Variants in MDFIC2 observed in about 807,000 individuals in gnomAD.
The protein encoded by MDFIC2 is myoD family inhibitor domain-containing protein 2.
intron 2 of MDFIC2, among the ~76,000 whole-genome samples, chr3:70,253,596 C>T (rs1032245145): frequency 2.6e-5 from 4 of 152,054 alleles, no homozygotes; most frequent in African/African-American, 9.7e-5. Context: ...GGTGATGCAC[C>T]TCTGTAGTCC....
In MDFIC2 at chr3:70,246,605, A is replaced by T. The variant is rs574477095; in HGVS notation, c.89-39815T>A. ...AAGGATGTTCCATGAAATACGAGGA[A>T]CATACTTGATAACTGAAACGTATTT... On this transcript the variant is annotated intron_variant, in intron 2 of 3. Coordinates refer to ENST00000567252, the MANE Select transcript of MDFIC2 (RefSeq NM_001364677.1). Among the ~76,000 whole-genome samples, 8 of 152,224 alleles carry T rather than the reference A, an allele frequency of 5.3e-5. No homozygotes were observed. In the South Asian group the frequency reaches 1.0e-3, roughly 20 times the overall value.
chr3:70,294,126 AAAT>A (rs1171739010), intron 2 of MDFIC2, among the ~76,000 whole-genome samples: 1 of 152,150 alleles, frequency 6.6e-6, no homozygotes, highest in Non-Finnish European at 1.5e-5. Flanking sequence ...AGTGTTTTAG[AAAT>A]GTCAGTTGTT....
intron 2 of MDFIC2, among the ~76,000 whole-genome samples, chr3:70,258,530 A>G (rs1701838297): frequency 6.6e-6 from 1 of 152,150 alleles, no homozygotes; most frequent in Non-Finnish European, 1.5e-5. Flanking sequence ...GAGCTAGTAG[A>G]GTCTCATTTT....
intron 2 of MDFIC2, among the ~76,000 whole-genome samples, chr3:70,229,047 C>G (rs1358466610): frequency 6.6e-6 from 1 of 152,206 alleles, no homozygotes; most frequent in Non-Finnish European, 1.5e-5. Flanking sequence ...TTAGCCTCCA[C>G]AGCTAAAGAG....
intron 2 of MDFIC2, among the ~76,000 whole-genome samples, chr3:70,212,908 C>T (rs1315688179): frequency 6.6e-6 from 1 of 152,088 alleles, no homozygotes; most frequent in African/African-American, 2.4e-5. Context: ...ATCCTCCCAT[C>T]TCAGTCTCCT....
intron 2 of MDFIC2, among the ~76,000 whole-genome samples, chr3:70,227,851 C>T (rs1701523310): frequency 6.6e-6 from 1 of 152,060 alleles, no homozygotes; most frequent in Non-Finnish European, 1.5e-5. Context: ...TAGTAAGCGG[C>T]AGAGCTGGGA....
chr3:70,238,204 C>T (rs1438556795), intron 2 of MDFIC2, among the ~76,000 whole-genome samples: 1 of 151,656 alleles, frequency 6.6e-6, no homozygotes, highest in African/African-American at 2.4e-5. Flanking sequence ...CCAGGCGTTC[C>T]CTGACACTTG....
At chr3:70,304,852 C>T (rs1350631745) in intron 2 of MDFIC2, among the ~76,000 whole-genome samples, 1 of 152,180 alleles carries the variant, frequency 6.6e-6, no homozygotes, top group African/African-American at 2.4e-5. Context: ...CAAGGTTCTG[C>T]ATTATTTCCA....
rs567782119 is a variant in MDFIC2, at chr3:70,195,145, T to C, written c.*1781A>G. On this transcript the variant is annotated 3_prime_UTR_variant, in exon 4 of 4. Transcript: ENST00000567252. ...AATAAGTCAGTTCATGGGGCCTCTC[T>C]TTTCCCCTGTGAAATATAAAAAGGT... 2.0e-5 allele frequency among the ~76,000 whole-genome samples: 3 copies of C among 152,304 alleles called. 1 individual carries two copies. The South Asian group carries it at 6.2e-4, about 32-fold the overall frequency.
intron 2 of MDFIC2, among the ~76,000 whole-genome samples, chr3:70,265,783 T>A (rs1701911470): frequency 2.0e-5 from 3 of 152,158 alleles, no homozygotes; most frequent in Admixed American, 2.0e-4. Context: ...AAACTTATAA[T>A]CATGATGGGA....
intron 2 of MDFIC2, among the ~76,000 whole-genome samples, chr3:70,241,483 T>C (rs1004496160): frequency 2.9e-4 from 44 of 152,182 alleles, no homozygotes; most frequent in Non-Finnish European, 5.1e-4. Flanking sequence ...TAAAATGTAA[T>C]GGGAGGTATG....
intron 2 of MDFIC2, among the ~76,000 whole-genome samples, chr3:70,251,652 T>C (rs1295451274): frequency 1.3e-5 from 2 of 152,164 alleles, no homozygotes; most frequent in East Asian, 3.9e-4. Flanking sequence ...TGCTTTTGCA[T>C]TGAGAATATT....
chr3:70,296,556 CCTACATTT>C (rs560022092), intron 2 of MDFIC2, among the ~76,000 whole-genome samples: 238 of 152,120 alleles, frequency 1.6e-3, no homozygotes, highest in African/African-American at 5.5e-3. Context: ...TGGAATCTAC[CCTACATTT>C]CTCTCTGTGT....
At chr3:70,216,925 C>T (rs1701417130) in intron 2 of MDFIC2, among the ~76,000 whole-genome samples, 1 of 152,172 alleles carries the variant, frequency 6.6e-6, no homozygotes, top group South Asian at 2.1e-4. Context: ...CCCTTCCCCT[C>T]ACCACCAAAA....
At chr3:70,245,248 T>G (rs75704861) in intron 2 of MDFIC2, among the ~76,000 whole-genome samples, 1 of 152,118 alleles carries the variant, frequency 6.6e-6, no homozygotes, top group African/African-American at 2.4e-5. Context: ...CAAAAGAAGA[T>G]GAGAATTAGA....
intron 2 of MDFIC2, among the ~76,000 whole-genome samples, chr3:70,309,420 T>C (rs1702435962): frequency 2.6e-5 from 4 of 152,162 alleles, no homozygotes; most frequent in African/African-American, 9.7e-5. Flanking sequence ...TGTATTATTC[T>C]GAGTAATGCT....
At chr3:70,235,500 C>T (rs1035539764) in intron 2 of MDFIC2, among the ~76,000 whole-genome samples, 1 of 152,212 alleles carries the variant, frequency 6.6e-6, no homozygotes, top group East Asian at 1.9e-4. Flanking sequence ...ATGTTAAACA[C>T]ATGAATACAT....
At chr3:70,274,593 C>T (rs1702004069) in intron 2 of MDFIC2, among the ~76,000 whole-genome samples, 1 of 152,060 alleles carries the variant, frequency 6.6e-6, no homozygotes. Context: ...GACACATGGA[C>T]ACATGGTGGG....
intron 2 of MDFIC2, among the ~76,000 whole-genome samples, chr3:70,269,666 A>G (rs1701956018): frequency 6.6e-6 from 1 of 152,208 alleles, no homozygotes; most frequent in Non-Finnish European, 1.5e-5. Flanking sequence ...TTGTTTTAAC[A>G]GCAGAAAATG....
Sources: gnomAD v4.1 joint callset for allele counts (sites outside exome capture counted in the v4.1 genomes callset) on GRCh38, gnomAD v4.1.1 for gene constraint, MANE v1.5 for transcripts, NCBI Gene and HGNC (gene_info 2026-07-23, HGNC 2026-07-21) for gene names.